CCDC178: variants seen among roughly 807,000 people sequenced by gnomAD.
The protein encoded by CCDC178 is coiled-coil domain containing 178.
In CCDC178, 126 loss-of-function variants were observed where a neutral mutation model predicts 117.4. The observed-to-expected ratio is 1.07, with a 90% confidence interval of 0.93 to 1.24. The LOEUF is 1.24. CCDC178 is among the 50% of genes most tolerant of loss of function. The probability of loss-of-function intolerance (pLI) is 0.00; values close to 1 mark genes in which losing one functional copy is unlikely to be tolerated. For missense variants in CCDC178, 1,030 were observed against 986.9 expected, an observed-to-expected ratio of 1.04 and a Z score of -0.59; for synonymous variants, 283 against 313.4, an observed-to-expected ratio of 0.90 and a Z score of 1.02.
intron 20 of CCDC178, among the ~76,000 whole-genome samples, chr18:33,196,721 A>G (rs771911746): frequency 2.6e-5 from 4 of 152,088 alleles, no homozygotes; most frequent in Non-Finnish European, 5.9e-5. Context: ...ACTACATTTT[A>G]TTACCTCATA....
chr18:33,256,304 G>C (rs966321740), intron 14 of CCDC178, among the ~76,000 whole-genome samples: 1 of 151,992 alleles, frequency 6.6e-6, no homozygotes, highest in Non-Finnish European at 1.5e-5. Context: ...AAAAAAGATA[G>C]TGAATAAAGA....
rs370842392 is a variant in CCDC178, at chr18:33,288,627, A to T, written c.1176+4532T>A. On this transcript the variant is annotated intron_variant, in intron 12 of 22. Coordinates refer to ENST00000383096, the MANE Select transcript of CCDC178 (RefSeq NM_001105528.4). ...AAAAACCTTAAGAAGTAGACAACTA[A>T]TCACTAATTTCAACACAGTGTTATA... Among the ~76,000 whole-genome samples the T allele has an allele frequency of 1.1e-3, 163 of 151,998 alleles. 2 individuals carry two copies. Among genetic ancestry groups the T allele is most frequent in the African/African-American group, 3.7e-3 (155 of 41,460 alleles).
chr18:33,222,975 T>C, intron 18 of CCDC178, 131 bp downstream of exon 18: 1 of 644,186 alleles, frequency 1.6e-6, no homozygotes. Context: ...TGTGCGCTTT[T>C]ATCCCTAGTC....
At chr18:33,039,050 A>G (rs2056497905) in intron 21 of CCDC178, among the ~76,000 whole-genome samples, 1 of 152,070 alleles carries the variant, frequency 6.6e-6, no homozygotes. Context: ...TTAAAAGATT[A>G]AGTTCCCAAC....
chr18:33,426,189 G>A (rs964283203), intron 2 of CCDC178, among the ~76,000 whole-genome samples: 5 of 152,288 alleles, frequency 3.3e-5, no homozygotes, highest in South Asian at 4.1e-4. Context: ...GATTACAGGC[G>A]TGAGCCACTG....
At chr18:33,320,955 C>T (rs1210449991) in intron 11 of CCDC178, among the ~76,000 whole-genome samples, 1 of 152,156 alleles carries the variant, frequency 6.6e-6, no homozygotes, top group South Asian at 2.1e-4. Flanking sequence ...AACCACCTGA[C>T]CTTTGACAAA....
At chr18:33,004,913 G>A (rs1160490878) in intron 21 of CCDC178, among the ~76,000 whole-genome samples, 9 of 152,030 alleles carry the variant, frequency 5.9e-5, no homozygotes, top group Admixed American at 5.2e-4. Flanking sequence ...AGTACAATGA[G>A]ACATCATCTC....
chr18:33,416,223 C>G (rs1283478183), intron 2 of CCDC178, among the ~76,000 whole-genome samples: 2 of 152,090 alleles, frequency 1.3e-5, no homozygotes, highest in African/African-American at 4.8e-5. Flanking sequence ...GCCAGGAGTT[C>G]GAAACCATCC....
intron 20 of CCDC178, among the ~76,000 whole-genome samples, chr18:33,114,788 T>TAGG (rs1305960682): frequency 6.6e-6 from 1 of 152,088 alleles, no homozygotes; most frequent in Non-Finnish European, 1.5e-5. Context: ...ATTCTTCTAA[T>TAGG]AGGACAGACC....
chr18:33,297,519 G>C (rs1455425282), intron 11 of CCDC178, among the ~76,000 whole-genome samples: 1 of 151,970 alleles, frequency 6.6e-6, no homozygotes, highest in Non-Finnish European at 1.5e-5. Flanking sequence ...AAAAATAAAA[G>C]TATAATTAGA....
intron 4 of CCDC178, among the ~76,000 whole-genome samples, chr18:33,395,180 C>T (rs111979294): frequency 6.6e-6 from 1 of 150,994 alleles, no homozygotes; most frequent in African/African-American, 2.4e-5. Flanking sequence ...CCTAGTCTCA[C>T]GTTCCATAGA....
At chr18:33,080,792 T>A (rs189064043) in intron 21 of CCDC178, among the ~76,000 whole-genome samples, 4 of 152,298 alleles carry the variant, frequency 2.6e-5, no homozygotes, top group African/African-American at 9.6e-5. Context: ...TTGGTCAACA[T>A]TTATGATATG....
At chr18:33,369,937 G>A in intron 6 of CCDC178, 113 bp downstream of exon 6, 1 of 861,460 alleles carries the variant, frequency 1.2e-6, no homozygotes, top group South Asian at 2.3e-5. Flanking sequence ...TTCTTAAAAA[G>A]CATTCCAATT....
chr18:33,212,020 T>C lies in CCDC178; in HGVS notation c.2114A>G (p.His705Arg), dbSNP rs1306285056. The C allele has an allele frequency of 3.7e-6, 6 of 1,600,652 alleles. No homozygotes were observed. Among genetic ancestry groups the C allele is most frequent in the Non-Finnish European group, 5.1e-6 (6 of 1,175,036 alleles). ...ATAATGATCAAACACAGTTTGTGCA[T>C]GTTCCCTTTTAAATCTCATAGTTAT... is the stretch of plus-strand genomic sequence containing the variant. ...KFITMRFKRE[H>R]AQTVFDHYMQ... The change falls in exon 20 of 23, where the codon CAT (histidine) becomes CGT (arginine). Residue 705 changes from histidine to arginine, a missense_variant. His to Arg is a conservative substitution (Grantham distance 29, BLOSUM62 0). Coordinates refer to ENST00000383096, the MANE Select transcript of CCDC178 (RefSeq NM_001105528.4).
intron 5 of CCDC178, among the ~76,000 whole-genome samples, chr18:33,388,258 T>G (rs1019533163): frequency 2.0e-5 from 3 of 152,162 alleles, no homozygotes; most frequent in African/African-American, 7.2e-5. Flanking sequence ...TTTACACTGT[T>G]GGTAGGAGCA....
intron 6 of CCDC178, among the ~76,000 whole-genome samples, chr18:33,367,731 G>C (rs1231688044): frequency 2.6e-5 from 4 of 151,902 alleles, no homozygotes; most frequent in African/African-American, 9.6e-5. Flanking sequence ...ACCAAACATA[G>C]TACTTATGTT....
chr18:33,312,404 A>T (rs2144957690), intron 11 of CCDC178, among the ~76,000 whole-genome samples: 1 of 152,306 alleles, frequency 6.6e-6, no homozygotes, highest in South Asian at 2.1e-4. Flanking sequence ...GGGATCTGAC[A>T]GTTTTGAATG....
rs1433423190 is a variant in CCDC178 at position 33,055,806 on chromosome 18, A to ATT, written c.2388+36954_2388+36955insAA. On this transcript the variant is annotated intron_variant, in intron 21 of 22. Transcript: ENST00000383096. Reference sequence around the variant, plus strand: ...GGTTTATTACAAGAACTCAATGGATAATTTTTTTTTTTTTTTGAGAAGGAG... The same window carrying ATT: ...GGTTTATTACAAGAACTCAATGGATATTATTTTTTTTTTTTTTTGAGAAGGAG... 4.8e-4 allele frequency among the ~76,000 whole-genome samples: 70 copies of ATT among 144,358 alleles called. 1 individual carries two copies. Among genetic ancestry groups the ATT allele is most frequent in the Middle Eastern group, 3.7e-3 (1 of 272 alleles). 94.7% of individuals were successfully genotyped at this position (144,358 alleles called of 152,430 possible). A position where few individuals can be genotyped will look rare whatever the true frequency, so the allele number is the denominator to read the frequency against.
At chr18:33,253,972 TAA>T (rs2059647125) in intron 14 of CCDC178, among the ~76,000 whole-genome samples, 1 of 151,882 alleles carries the variant, frequency 6.6e-6, no homozygotes, top group Non-Finnish European at 1.5e-5. Flanking sequence ...AATGATTCAA[TAA>T]AGTTTTTATT....
Sources: gnomAD v4.1 joint callset for allele counts (sites outside exome capture counted in the v4.1 genomes callset) on GRCh38, gnomAD v4.1.1 for gene constraint, MANE v1.5 for transcripts, NCBI Gene and HGNC (gene_info 2026-07-23, HGNC 2026-07-21) for gene names.